The following LINGO2 variants were observed in gnomAD, a reference collection of about 807,000 sequenced individuals.
LINGO2 encodes the protein leucine-rich repeat and immunoglobulin-like domain-containing nogo receptor-interacting protein 2.
A neutral mutation model predicts 30.6 loss-of-function variants in LINGO2; 14 were observed. That is an observed-to-expected ratio of 0.46 (90% CI 0.30 to 0.72). The LOEUF is 0.72. LINGO2 is among the 30% of genes least tolerant of loss of function. LINGO2 has a pLI of 0.07. For synonymous variants in LINGO2, 317 were observed against 288.5 expected (o/e 1.10, Z -1.00); for missense variants, 729 against 751.7 (o/e 0.97, Z 0.35).
rs75218740 is a variant in LINGO2, at chr9:28,385,752, T to C, written c.-278-12884A>G. On this transcript the variant is annotated intron_variant, in intron 2 of 5. Transcript: ENST00000379992. ...TATATGTGCATGTCCTTCATTAGCA[T>C]ACCTTTCCAGATAACTACATCTAGG... is the stretch of plus-strand genomic sequence containing the variant. Among the ~76,000 whole-genome samples the C allele has an allele frequency of 3.8e-3, 579 of 152,276 alleles. 15 individuals are homozygous for C. The East Asian group carries it at 0.081, about 21-fold the overall frequency.
chr9:28,809,272 C>T, the LINGO2 span, among the ~76,000 whole-genome samples: 3 of 152,122 alleles, frequency 2.0e-5, no homozygotes, highest in East Asian at 1.9e-4. Context: ...AACAAATGGT[C>T]GATTATGAGG....
At chr9:28,313,145 C>T (rs145578005) in intron 3 of LINGO2, among the ~76,000 whole-genome samples, 49 of 152,192 alleles carry the variant, frequency 3.2e-4, no homozygotes, top group South Asian at 1.9e-3. Flanking sequence ...AGTTTTGTAA[C>T]GAGACTACAT....
At chr9:28,770,374 C>T in the LINGO2 span, among the ~76,000 whole-genome samples, 3 of 152,200 alleles carry the variant, frequency 2.0e-5, no homozygotes, top group Admixed American at 2.0e-4. Flanking sequence ...ATGGTTTTCT[C>T]TGCTTCTTGC....
At chr9:29,035,405 T>C in the LINGO2 span, among the ~76,000 whole-genome samples, 142 of 152,054 alleles carry the variant, frequency 9.3e-4, no homozygotes, top group African/African-American at 3.2e-3. Flanking sequence ...AGAGGATACA[T>C]TAGCCTATTA....
At chr9:28,881,693 T>C in the LINGO2 span, among the ~76,000 whole-genome samples, 1 of 152,086 alleles carries the variant, frequency 6.6e-6, no homozygotes, top group Non-Finnish European at 1.5e-5. Context: ...GCAGATTTGT[T>C]ACATAAGTAA....
chr9:28,560,175 AGTAT>A (rs1297820316), intron 1 of LINGO2, among the ~76,000 whole-genome samples: 2 of 152,000 alleles, frequency 1.3e-5, no homozygotes, highest in Admixed American at 6.6e-5. Context: ...GAGGATTAAT[AGTAT>A]GTATCTGTAT....
intron 5 of LINGO2, among the ~76,000 whole-genome samples, chr9:27,986,206 T>C (rs1230323402): frequency 6.7e-6 from 1 of 149,668 alleles, no homozygotes; most frequent in African/African-American, 2.4e-5. Context: ...CAGAAGATGG[T>C]CCATTATCCC....
At chr9:27,946,490 T>A (rs2118215253), downstream of LINGO2, among the ~76,000 whole-genome samples, 1 of 152,282 alleles carries the variant, frequency 6.6e-6, no homozygotes, top group Admixed American at 6.5e-5. Flanking sequence ...CAACTTTTAT[T>A]TTGACAAAAG....
the LINGO2 span, among the ~76,000 whole-genome samples, chr9:28,859,689 A>G: frequency 2.0e-5 from 3 of 152,020 alleles, no homozygotes; most frequent in South Asian, 6.2e-4. Flanking sequence ...GAACTATGTT[A>G]GTAGTTAAAA....
the LINGO2 span, among the ~76,000 whole-genome samples, chr9:28,947,153 C>G: frequency 1.3e-5 from 2 of 151,888 alleles, no homozygotes; most frequent in Non-Finnish European, 2.9e-5. Flanking sequence ...ATATCTATAT[C>G]TATATCTATA....
At chr9:28,419,106 T>A (rs1823085866) in intron 2 of LINGO2, among the ~76,000 whole-genome samples, 2 of 151,992 alleles carry the variant, frequency 1.3e-5, no homozygotes, top group African/African-American at 4.8e-5. Context: ...TGTCATATAT[T>A]TTTTTCTCCT....
the LINGO2 span, among the ~76,000 whole-genome samples, chr9:29,148,777 G>C: frequency 6.6e-6 from 1 of 151,984 alleles, no homozygotes; most frequent in Non-Finnish European, 1.5e-5. Flanking sequence ...TGTTTGGAGG[G>C]AAAGGAGACA....
the LINGO2 span, among the ~76,000 whole-genome samples, chr9:29,101,971 T>A: frequency 1.3e-5 from 2 of 152,210 alleles, no homozygotes; most frequent in African/African-American, 4.8e-5. Context: ...AAATATTTTT[T>A]GGTTAAACCA....
At chr9:28,897,947 G>A in the LINGO2 span, among the ~76,000 whole-genome samples, 1 of 152,012 alleles carries the variant, frequency 6.6e-6, no homozygotes, top group Non-Finnish European at 1.5e-5. Context: ...TCCAATGTTA[G>A]TATCTTTCTT....
chr9:29,175,316 G>A, the LINGO2 span, among the ~76,000 whole-genome samples: 1 of 151,916 alleles, frequency 6.6e-6, no homozygotes, highest in Non-Finnish European at 1.5e-5. Flanking sequence ...TGGCATCAAT[G>A]GACTACTATT....
the LINGO2 span, among the ~76,000 whole-genome samples, chr9:28,820,809 A>G: frequency 0.1 from 15,372 of 152,220 alleles, 904 homozygotes; most frequent in African/African-American, 0.16. Flanking sequence ...GTGAATATTC[A>G]GTGAAGGCCA....
At chr9:29,140,915 T>G in the LINGO2 span, among the ~76,000 whole-genome samples, 1 of 151,920 alleles carries the variant, frequency 6.6e-6, no homozygotes, top group Non-Finnish European at 1.5e-5. Context: ...CAATGGAAAA[T>G]ACTGTACCCC....
the LINGO2 span, among the ~76,000 whole-genome samples, chr9:28,764,801 A>G: frequency 1.3e-5 from 2 of 151,980 alleles, no homozygotes; most frequent in African/African-American, 4.8e-5. Flanking sequence ...AATTTAAGAA[A>G]GTTACAGGAT....
the LINGO2 span, among the ~76,000 whole-genome samples, chr9:29,179,465 T>C: frequency 1.3e-5 from 2 of 151,958 alleles, no homozygotes; most frequent in South Asian, 4.1e-4. Context: ...AGTGCAGTGG[T>C]GCAATCTCGG....
Sources: gnomAD v4.1 joint callset for allele counts (sites outside exome capture counted in the v4.1 genomes callset) on GRCh38, gnomAD v4.1.1 for gene constraint, MANE v1.5 for transcripts, NCBI Gene and HGNC (gene_info 2026-07-23, HGNC 2026-07-21) for gene names.